Variants in KCNH7 observed in about 807,000 individuals in gnomAD.
KCNH7 encodes voltage-gated inwardly rectifying potassium channel KCNH7.
Under a neutral mutation model 120.8 loss-of-function variants are expected in KCNH7, and 49 were observed. That is an observed-to-expected ratio of 0.41 (90% CI 0.32 to 0.51). The LOEUF (loss-of-function observed/expected upper bound fraction) is 0.51, where lower values mean the gene tolerates loss of function less well. Ranked by LOEUF, KCNH7 falls within the 20% of genes least tolerant of loss-of-function variation. The pLI is 0.38. For synonymous variants in KCNH7, 547 were observed against 516.1 expected, an observed-to-expected ratio of 1.06 and a Z score of -0.81; for missense variants, 1,097 against 1,446.6, an observed-to-expected ratio of 0.76 and a Z score of 3.92.
intron 2 of KCNH7, among the ~76,000 whole-genome samples, chr2:162,700,445 C>T (rs772681215): frequency 1.3e-5 from 2 of 152,082 alleles, no homozygotes; most frequent in Non-Finnish European, 2.9e-5. Context: ...AAAGTTTCCA[C>T]CCTGTAAAGA....
chr2:162,555,053 G>A (rs754845918), intron 2 of KCNH7, among the ~76,000 whole-genome samples: 1 of 152,194 alleles, frequency 6.6e-6, no homozygotes, highest in Non-Finnish European at 1.5e-5. Context: ...GTGCAAAAAT[G>A]TCCAAAACAT....
At chr2:162,435,171 T>C in intron 8 of KCNH7, 27 bp downstream of exon 8, 3 of 1,582,700 alleles carry the variant, frequency 1.9e-6, no homozygotes, top group African/African-American at 1.3e-5. Flanking sequence ...TCTATCCTAA[T>C]AGACAACAGA....
At chr2:162,563,811 A>C (rs774669259) in intron 2 of KCNH7, among the ~76,000 whole-genome samples, 1 of 152,124 alleles carries the variant, frequency 6.6e-6, no homozygotes, top group African/African-American at 2.4e-5. Flanking sequence ...ACAATCTGTC[A>C]TCTTACAAAG....
At chr2:162,635,100 G>A (rs959079164) in intron 2 of KCNH7, among the ~76,000 whole-genome samples, 3 of 152,084 alleles carry the variant, frequency 2.0e-5, no homozygotes, top group Non-Finnish European at 4.4e-5. Context: ...ATTGGACAGT[G>A]TAAAAAAGTT....
At chr2:162,748,229 C>A (rs1456275446) in intron 2 of KCNH7, among the ~76,000 whole-genome samples, 1 of 152,100 alleles carries the variant, frequency 6.6e-6, no homozygotes, top group African/African-American at 2.4e-5. Flanking sequence ...CTCTTTGTAC[C>A]ATAGGGTTTT....
chr2:162,674,845 T>A (rs1333251843), intron 2 of KCNH7, among the ~76,000 whole-genome samples: 1 of 151,634 alleles, frequency 6.6e-6, no homozygotes, highest in East Asian at 1.9e-4. Context: ...AGGCAAACTG[T>A]AAAAGTTTTA....
At chr2:162,390,280 A>G (rs1686706589) in intron 12 of KCNH7, among the ~76,000 whole-genome samples, 2 of 150,392 alleles carry the variant, frequency 1.3e-5, no homozygotes, top group Non-Finnish European at 3.0e-5. Flanking sequence ...ATATTTATAT[A>G]TTTTATAATA....
At chr2:162,805,021 T>C (rs375440092) in intron 2 of KCNH7, among the ~76,000 whole-genome samples, 1 of 152,000 alleles carries the variant, frequency 6.6e-6, no homozygotes, top group Non-Finnish European at 1.5e-5. Flanking sequence ...CTGGGAAAAC[T>C]GGCTAGCTAC....
intron 2 of KCNH7, among the ~76,000 whole-genome samples, chr2:162,801,255 C>A (rs1684337042): frequency 8.6e-6 from 1 of 115,714 alleles, no homozygotes; most frequent in Non-Finnish European, 1.8e-5. Context: ...ATGAAAAAGA[C>A]AAGCTTTTTC....
At chr2:162,461,772 C>G (rs1558957970) in intron 6 of KCNH7, among the ~76,000 whole-genome samples, 1 of 152,050 alleles carries the variant, frequency 6.6e-6, no homozygotes, top group Non-Finnish European at 1.5e-5. Flanking sequence ...TGAAAGGACC[C>G]CATTTAAGCA....
intron 2 of KCNH7, among the ~76,000 whole-genome samples, chr2:162,666,639 T>A (rs922486900): frequency 5.3e-5 from 8 of 152,194 alleles, no homozygotes; most frequent in Admixed American, 2.0e-4. Context: ...TACTGGTCCT[T>A]CCTGTCTCTA....
At position 162,517,825 on chromosome 2, in the gene KCNH7, C is replaced by T. The variant is rs1410910949; in HGVS notation, c.797G>A (p.Ser266Asn). The T allele has an allele frequency of 1.9e-6, 3 of 1,612,366 alleles. No homozygotes were observed. Among genetic ancestry groups the T allele is most frequent in the Non-Finnish European group, 2.5e-6 (3 of 1,178,900 alleles). ...SQLSHSRSRE[S>N]LCSIRRASSV... is the part of the protein sequence containing the mutation. ...AGATGCTCTCCGTATACTACATAAG[C>T]TTTCCCTTGATCTGGAATGGGACAG... The change falls in exon 4 of 16, where the codon AGC (serine) becomes AAC (asparagine). Residue 266 changes from serine to asparagine, a missense_variant. Ser to Asn is a conservative substitution (Grantham distance 46). Transcript: ENST00000332142.
chr2:162,560,834 A>T (rs981702164), intron 2 of KCNH7, among the ~76,000 whole-genome samples: 2 of 152,212 alleles, frequency 1.3e-5, no homozygotes, highest in African/African-American at 2.4e-5. Flanking sequence ...TTGCAGAGTT[A>T]CAGAAAATTA....
At chr2:162,418,583 CCACA>C (rs1171037324) in intron 9 of KCNH7, among the ~76,000 whole-genome samples, 1 of 152,054 alleles carries the variant, frequency 6.6e-6, no homozygotes, top group Admixed American at 6.6e-5. Context: ...TCAAAACACT[CCACA>C]ATCTAAATAT....
intron 2 of KCNH7, among the ~76,000 whole-genome samples, chr2:162,825,644 C>G (rs1685254927): frequency 6.6e-6 from 1 of 151,814 alleles, no homozygotes; most frequent in African/African-American, 2.4e-5. Flanking sequence ...ATTTGTACAA[C>G]AGTAAAAAGT....
chr2:162,483,368 A>T (rs1304262367), intron 6 of KCNH7, among the ~76,000 whole-genome samples: 1 of 152,116 alleles, frequency 6.6e-6, no homozygotes, highest in Non-Finnish European at 1.5e-5. Context: ...CATCCACGGG[A>T]CATGTATTTC....
chr2:162,838,619 T>C lies in KCNH7; in HGVS notation c.-101A>G, dbSNP rs1340896065. 7.0e-6 allele frequency: 6 copies of C among 853,762 alleles called. No homozygotes were observed. The highest frequency in any genetic ancestry group is 1.1e-5 in the Non-Finnish European group (6 of 536,462). The allele number at this position is 853,762 out of a possible 1,614,324, so 52.9% of individuals were successfully genotyped here. A position where few individuals can be genotyped will look rare whatever the true frequency, so the allele number is the denominator to read the frequency against. ...AGGCCAGCGCGCGAGCCGCTCTTTG[T>C]GGCAGAGCATCCTCTTTTGAAACCA... On this transcript the variant is annotated 5_prime_UTR_variant, in exon 1 of 16. Coordinates refer to ENST00000332142, the MANE Select transcript of KCNH7 (RefSeq NM_033272.4).
chr2:162,698,017 T>C (rs537428484), intron 2 of KCNH7, among the ~76,000 whole-genome samples: 1 of 152,288 alleles, frequency 6.6e-6, no homozygotes, highest in South Asian at 2.1e-4. Context: ...ACTACTCTCA[T>C]AGTTTCAGAG....
intron 2 of KCNH7, among the ~76,000 whole-genome samples, chr2:162,661,994 T>G (rs1442002295): frequency 6.6e-6 from 1 of 152,194 alleles, no homozygotes; most frequent in Non-Finnish European, 1.5e-5. Context: ...CTGGGCGCAG[T>G]GGCTCACGCC....
Sources: gnomAD v4.1 joint callset for allele counts (sites outside exome capture counted in the v4.1 genomes callset) on GRCh38, gnomAD v4.1.1 for gene constraint, MANE v1.5 for transcripts, NCBI Gene and HGNC (gene_info 2026-07-23, HGNC 2026-07-21) for gene names.